Variants in NAALADL2 observed in about 807,000 individuals in gnomAD.
NAALADL2 encodes inactive N-acetylated-alpha-linked acidic dipeptidase-like protein 2.
NAALADL2 carries 76 observed loss-of-function variants against 87.2 expected under a neutral mutation model. That is an observed-to-expected ratio of 0.87 (90% CI 0.72 to 1.05). The LOEUF is 1.05. Ranked by LOEUF, NAALADL2 falls within the 50% of genes least tolerant of loss-of-function variation. The probability of loss-of-function intolerance (pLI) is 0.00; values close to 1 mark genes in which losing one functional copy is unlikely to be tolerated. For synonymous variants in NAALADL2, 354 were observed against 331.0 expected (o/e 1.07, Z -0.75); for missense variants, 1,089 against 945.8 (o/e 1.15, Z -1.99).
intron 5 of NAALADL2, among the ~76,000 whole-genome samples, chr3:175,331,814 G>T (rs1361038615): frequency 6.6e-6 from 1 of 152,116 alleles, no homozygotes; most frequent in Admixed American, 6.5e-5. Flanking sequence ...AAGTCAAATT[G>T]TCCCTCTATG....
rs185370873 is a variant in NAALADL2 at position 175,429,827 on chromosome 3, A to G, written c.1091-17402A>G. 5.9e-5 allele frequency among the ~76,000 whole-genome samples: 9 copies of G among 152,162 alleles called. No individual in the cohort carries two copies. In the East Asian group the frequency reaches 1.3e-3, roughly 23 times the overall value. Reference sequence around the variant, plus strand: ...AAAGAGGTCTTTAAGCCTTCCTTACAGAGTGAAAAAGAAATGTCACAGGGT... The same window carrying G: ...AAAGAGGTCTTTAAGCCTTCCTTACGGAGTGAAAAAGAAATGTCACAGGGT... On this transcript the variant is annotated intron_variant, in intron 5 of 13. Coordinates refer to ENST00000454872, the MANE Select transcript of NAALADL2 (RefSeq NM_207015.3).
chr3:175,406,078 A>G (rs1209244325), intron 5 of NAALADL2, among the ~76,000 whole-genome samples: 2 of 152,214 alleles, frequency 1.3e-5, no homozygotes, highest in East Asian at 3.9e-4. Flanking sequence ...CAGTACAGAT[A>G]CTAACACTTA....
chr3:174,994,185 G>A (rs1335077099), intron 1 of NAALADL2, among the ~76,000 whole-genome samples: 1 of 152,148 alleles, frequency 6.6e-6, no homozygotes, highest in East Asian at 1.9e-4. Context: ...GACTAAAATA[G>A]CAGGTCAGTA....
intron 2 of NAALADL2, among the ~76,000 whole-genome samples, chr3:175,126,375 G>T (rs950020664): frequency 4.5e-4 from 68 of 152,196 alleles, no homozygotes; most frequent in African/African-American, 1.6e-3. Context: ...TATTGGTTCT[G>T]GGATCAGCTG....
At chr3:175,680,816 T>C (rs970294526) in intron 11 of NAALADL2, among the ~76,000 whole-genome samples, 1 of 152,256 alleles carries the variant, frequency 6.6e-6, no homozygotes, top group Middle Eastern at 3.4e-3. Context: ...GAATGTTCAG[T>C]TAAAAACATC....
At chr3:174,905,511 T>A (rs1732857640) in intron 1 of NAALADL2, among the ~76,000 whole-genome samples, 1 of 152,048 alleles carries the variant, frequency 6.6e-6, no homozygotes, top group Non-Finnish European at 1.5e-5. Context: ...TGTGGATAAG[T>A]CTTTTTCATA....
chr3:174,572,595 A>G (rs1464817558), intron 2 of NAALADL2, among the ~76,000 whole-genome samples: 1 of 152,206 alleles, frequency 6.6e-6, no homozygotes, highest in East Asian at 1.9e-4. Context: ...ATTATTTGTT[A>G]CACAAAAATT....
At chr3:175,236,230 A>G (rs1440705006) in intron 3 of NAALADL2, among the ~76,000 whole-genome samples, 1 of 152,072 alleles carries the variant, frequency 6.6e-6, no homozygotes, top group Non-Finnish European at 1.5e-5. Flanking sequence ...CTTGGTTTAA[A>G]AGGAATACTG....
At chr3:174,882,823 A>C (rs1424702110) in intron 1 of NAALADL2, among the ~76,000 whole-genome samples, 1 of 146,534 alleles carries the variant, frequency 6.8e-6, no homozygotes, top group South Asian at 2.1e-4. Flanking sequence ...ATATGTGTAT[A>C]TATACACGTG....
At chr3:175,572,172 T>G (rs1285817825) in intron 9 of NAALADL2, among the ~76,000 whole-genome samples, 1 of 152,148 alleles carries the variant, frequency 6.6e-6, no homozygotes, top group African/African-American at 2.4e-5. Flanking sequence ...CCATCTTGGT[T>G]TGGCTTTTTT....
rs550558841 is a variant in NAALADL2, at chr3:174,706,019, C to T, written c.-114-31622C>T. ...TCTCCACTTTTATAATTTCTCTCTA[C>T]GTGATCAACAAATAAATTCAATACA... On this transcript the variant is annotated intron_variant, in intron 2 of 3. Coordinates refer to the NAALADL2 transcript ENST00000434257. Among the ~76,000 whole-genome samples the T allele has an allele frequency of 1.6e-3, 242 of 152,230 alleles. 1 individual carries two copies. The highest frequency in any genetic ancestry group is 5.6e-3 in the African/African-American group (231 of 41,540).
intron 11 of NAALADL2, among the ~76,000 whole-genome samples, chr3:175,669,862 A>G (rs1409164907): frequency 6.6e-6 from 1 of 152,056 alleles, no homozygotes; most frequent in African/African-American, 2.4e-5. Flanking sequence ...ATAGTATTTC[A>G]TAAGTGACTT....
At chr3:175,031,421 C>T (rs1041750641) in intron 1 of NAALADL2, among the ~76,000 whole-genome samples, 1 of 152,088 alleles carries the variant, frequency 6.6e-6, no homozygotes, top group African/African-American at 2.4e-5. Flanking sequence ...CCTTCGCTTG[C>T]ATCCATGCTG....
rs993923083 is a variant in NAALADL2, at chr3:175,097,118, C to T, written c.372C>T (p.His124=). 11 of 1,613,658 alleles carry T rather than the reference C, an allele frequency of 6.8e-6. No individual in the cohort carries two copies. Among genetic ancestry groups the T allele is most frequent in the Non-Finnish European group, 8.5e-6 (10 of 1,179,646 alleles). ...APKSNRCNFC[H]VLKILCTATI... is the part of the protein sequence containing the mutation. ...AGAGCAATCGCTGCAACTTTTGCCA[C>T]GTCTTAAAAATACTTTGCACAGCCA... Residue 124 remains histidine (H), a synonymous_variant, in exon 2 of 14, where the codon CAC becomes CAT. Transcript: ENST00000454872.
chr3:174,688,405 AAATATAAAC>A (rs1453544851), intron 2 of NAALADL2, among the ~76,000 whole-genome samples: 1 of 129,252 alleles, frequency 7.7e-6, no homozygotes, highest in Admixed American at 8.0e-5. Flanking sequence ...ATAATATAAA[AAATATAAAC>A]AATCAGTCAC....
At chr3:175,701,898 A>C (rs1739049478) in intron 11 of NAALADL2, among the ~76,000 whole-genome samples, 1 of 152,108 alleles carries the variant, frequency 6.6e-6, no homozygotes, top group Admixed American at 6.6e-5. Context: ...CATATTTATC[A>C]ATTGTATTAT....
chr3:174,575,511 A>C (rs186150207), intron 2 of NAALADL2, among the ~76,000 whole-genome samples: 1 of 152,334 alleles, frequency 6.6e-6, no homozygotes, highest in African/African-American at 2.4e-5. Context: ...TAAATATGTT[A>C]TTCCTTGGTC....
At chr3:175,009,638 T>G (rs1749519261) in intron 1 of NAALADL2, among the ~76,000 whole-genome samples, 1 of 152,164 alleles carries the variant, frequency 6.6e-6, no homozygotes, top group East Asian at 1.9e-4. Flanking sequence ...ACCTCTAGAC[T>G]GTTGGTTAGT....
chr3:175,525,049 T>A (rs1036770626), intron 9 of NAALADL2, among the ~76,000 whole-genome samples: 2 of 152,152 alleles, frequency 1.3e-5, no homozygotes, highest in South Asian at 4.1e-4. Context: ...AATCTCTATT[T>A]TTTTATTTAA....
Sources: allele counts gnomAD v4.1 joint callset (sites outside exome capture counted in the v4.1 genomes callset), GRCh38; gene constraint gnomAD v4.1.1; transcripts MANE v1.5; gene names NCBI Gene and HGNC (gene_info 2026-07-23, HGNC 2026-07-21).